Variants in PSMF1 observed in about 807,000 individuals in gnomAD.
The protein encoded by PSMF1 is proteasome inhibitor PI31 subunit.
Under a neutral mutation model 29.3 loss-of-function variants are expected in PSMF1, and 30 were observed. The observed-to-expected ratio is 1.02, with a 90% confidence interval of 0.77 to 1.39. The LOEUF is 1.39. Ranked by LOEUF, PSMF1 falls within the 40% of genes most tolerant of loss-of-function variation. The pLI is 0.00. For missense variants in PSMF1, 344 were observed against 357.5 expected (o/e 0.96, Z 0.31); for synonymous variants, 134 against 139.7 (o/e 0.96, Z 0.29).
intron 4 of PSMF1, among the ~76,000 whole-genome samples, chr20:1,155,098 G>A (rs190507931): frequency 7.2e-5 from 11 of 152,326 alleles, no homozygotes; most frequent in East Asian, 1.9e-4. Flanking sequence ...TTTAAGTACC[G>A]CTAAATGGTC....
At chr20:1,136,920 A>G (rs1330042263) in intron 4 of PSMF1, among the ~76,000 whole-genome samples, 1 of 152,246 alleles carries the variant, frequency 6.6e-6, no homozygotes, top group Non-Finnish European at 1.5e-5. Flanking sequence ...AAGTAGTAGA[A>G]AAAAATACTT....
At chr20:1,156,367 A>ATC in intron 4 of PSMF1, among the ~76,000 whole-genome samples, 1 of 152,220 alleles carries the variant, frequency 6.6e-6, no homozygotes, top group Non-Finnish European at 1.5e-5. Context: ...AATGGCTGAA[A>ATC]ACTTCTCAGA....
chr20:1,153,175 G>C (rs924348492), intron 4 of PSMF1, among the ~76,000 whole-genome samples: 1 of 152,066 alleles, frequency 6.6e-6, no homozygotes, highest in Non-Finnish European at 1.5e-5. Context: ...AAAGTGTAAG[G>C]CCAGTAAAGT....
At chr20:1,150,787 T>C (rs1246377926) in intron 4 of PSMF1, among the ~76,000 whole-genome samples, 1 of 152,190 alleles carries the variant, frequency 6.6e-6, no homozygotes, top group African/African-American at 2.4e-5. Context: ...AGCTTATCAG[T>C]GCTTTTCCCT....
chr20:1,124,779 C>T (rs912025438), intron 1 of PSMF1, among the ~76,000 whole-genome samples: 20 of 152,064 alleles, frequency 1.3e-4, no homozygotes, highest in African/African-American at 4.3e-4. Flanking sequence ...AGGCAAATGA[C>T]GGAAGTGATG....
rs2086773926 is a variant in PSMF1 at position 1,169,994 on chromosome 20, C to G, written c.*4914C>G. 6.6e-6 allele frequency among the ~76,000 whole-genome samples: 1 copy of G among 152,184 alleles called. No homozygotes were observed. Among genetic ancestry groups the G allele is most frequent in the African/African-American group, 2.4e-5 (1 of 41,436 alleles). On this transcript the variant is annotated 3_prime_UTR_variant, in exon 7 of 7. Coordinates refer to ENST00000335877, the MANE Select transcript of PSMF1 (RefSeq NM_006814.5). ...TCCTGAGATGCTTGCTCTAAGTACACATTAGTACATGCTGGGCCCCAATCT... is the reference window on the plus strand; with the variant it reads ...TCCTGAGATGCTTGCTCTAAGTACAGATTAGTACATGCTGGGCCCCAATCT...
In PSMF1 at chr20:1,133,572, T is replaced by TAA. The variant is rs1568469088; in HGVS notation, c.366-1549_366-1548insAA. On this transcript the variant is annotated intron_variant, in intron 3 of 6. Transcript: ENST00000335877. ...ATATATGTGTATATATATATATATT[T>TAA]TTTTTTTTTTTTTGGTGTAGTCTTT... Among the ~76,000 whole-genome samples, 154 of 122,314 alleles carry TAA rather than the reference T, an allele frequency of 1.3e-3. 4 individuals are homozygous for TAA. The highest frequency in any genetic ancestry group is 4.7e-3 in the African/African-American group (152 of 32,114). 80.2% of individuals were successfully genotyped at this position (122,314 alleles called of 152,430 possible). A position where few individuals can be genotyped will look rare whatever the true frequency, so the allele number is the denominator to read the frequency against.
Position 1,165,754 on chromosome 20 carries a change from G to A in PSMF1, c.*674G>A, listed in dbSNP as rs2086721863. On this transcript the variant is annotated 3_prime_UTR_variant, in exon 7 of 7. Transcript: ENST00000335877. ...GGAAAGACTGCATCATTCTGATGAG[G>A]CAAAATCCTCCAGCTATTCCTGTCT... 2.0e-6 allele frequency: 2 copies of A among 1,019,626 alleles called. No homozygotes were observed. Among genetic ancestry groups the A allele is most frequent in the Non-Finnish European group, 2.4e-6 (2 of 849,730 alleles). The allele number at this position is 1,019,626 out of a possible 1,614,324, so 63.2% of individuals were successfully genotyped here.
At chr20:1,119,370 T>C (rs2086054822) in intron 1 of PSMF1, among the ~76,000 whole-genome samples, 1 of 151,978 alleles carries the variant, frequency 6.6e-6, no homozygotes, top group Non-Finnish European at 1.5e-5. Context: ...GGTACAGGAG[T>C]GAGCTTTGAC....
rs1176274808 is a variant in PSMF1 at position 1,170,619 on chromosome 20, G to A, written c.*5539G>A. On this transcript the variant is annotated 3_prime_UTR_variant, in exon 7 of 7. Coordinates refer to ENST00000335877, the MANE Select transcript of PSMF1 (RefSeq NM_006814.5). ...AGGAGTCTCAGACTCAGTCAAGCGT[G>A]GTTACTCACAGCCCTCCCTTTCTCA... is the stretch of plus-strand genomic sequence containing the variant. Among the ~76,000 whole-genome samples the A allele has an allele frequency of 6.6e-6, 1 of 152,088 alleles. No individual in the cohort carries two copies. Among genetic ancestry groups the A allele is most frequent in the Admixed American group, 6.6e-5 (1 of 15,266 alleles).
intron 4 of PSMF1, among the ~76,000 whole-genome samples, chr20:1,159,520 G>A (rs774581378): frequency 7.2e-5 from 11 of 152,086 alleles, no homozygotes; most frequent in Admixed American, 2.6e-4. Context: ...CCCACATTTC[G>A]TGGGCCAGAG....
chr20:1,117,207 G>A (rs969531704), upstream of PSMF1, among the ~76,000 whole-genome samples: 4 of 152,186 alleles, frequency 2.6e-5, no homozygotes, highest in African/African-American at 4.8e-5. Flanking sequence ...AATCAGAGAG[G>A]TACAGGGCTG....
At position 1,119,360 on chromosome 20, in the gene PSMF1, G is replaced by A. The variant is rs529268966; in HGVS notation, c.129+458G>A. 6.6e-5 allele frequency among the ~76,000 whole-genome samples: 10 copies of A among 152,238 alleles called. No individual in the cohort carries two copies. In the East Asian group the frequency reaches 1.5e-3, roughly 24 times the overall value. Reference sequence around the variant, plus strand: ...CACCAAACATCTGGATCCAAGCACAGGTACAGGAGTGAGCTTTGACCTACT... The same window carrying A: ...CACCAAACATCTGGATCCAAGCACAAGTACAGGAGTGAGCTTTGACCTACT... On this transcript the variant is annotated intron_variant, in intron 1 of 6. Transcript: ENST00000335877.
intron 1 of PSMF1, among the ~76,000 whole-genome samples, chr20:1,120,117 T>A (rs931199497): frequency 6.7e-4 from 102 of 151,990 alleles, no homozygotes; most frequent in African/African-American, 2.4e-3. Context: ...CTCTTAGAAC[T>A]AAAGACCAAG....
chr20:1,133,680 C>T (rs1483941436), intron 3 of PSMF1, among the ~76,000 whole-genome samples: 1 of 149,178 alleles, frequency 6.7e-6, no homozygotes, highest in African/African-American at 2.5e-5. Flanking sequence ...CTAGAAGTGA[C>T]TGTAAAATTG....
At chr20:1,127,554 T>C in intron 3 of PSMF1, 46 bp downstream of exon 3, 1 of 1,453,524 alleles carries the variant, frequency 6.9e-7, no homozygotes, top group South Asian at 1.1e-5. Flanking sequence ...AAGAGAGAAC[T>C]AATGGCAAGA....
intron 2 of PSMF1, 152 bp downstream of exon 2, chr20:1,125,802 C>A (rs2086148267): frequency 9.2e-7 from 1 of 1,088,280 alleles, no homozygotes; most frequent in Non-Finnish European, 1.3e-6. Context: ...AGGTGAGAAC[C>A]CTAAGTATAG....
chr20:1,118,257 TTAAA>T (rs2086031404), upstream of PSMF1: 1 of 152,860 alleles, frequency 6.5e-6, no homozygotes, highest in Non-Finnish European at 1.5e-5. Context: ...GTTGTGAAGA[TTAAA>T]TAAATGAATA....
At position 1,147,422 on chromosome 20, in the gene PSMF1, T is replaced by G. The variant is rs1214733781; in HGVS notation, c.551+12116T>G. 3.3e-5 allele frequency among the ~76,000 whole-genome samples: 5 copies of G among 152,208 alleles called. No individual in the cohort carries two copies. In the East Asian group the frequency reaches 9.6e-4, roughly 29 times the overall value. ...CCCGAAGTGGGTCTAACTCAGCAGC[T>G]TATGCTTTTCCCACTGCACCTGTCA... On this transcript the variant is annotated intron_variant, in intron 4 of 6. Coordinates refer to ENST00000335877, the MANE Select transcript of PSMF1 (RefSeq NM_006814.5).
Sources: gnomAD v4.1 joint callset for allele counts (sites outside exome capture counted in the v4.1 genomes callset) on GRCh38, gnomAD v4.1.1 for gene constraint, MANE v1.5 for transcripts, NCBI Gene and HGNC (gene_info 2026-07-23, HGNC 2026-07-21) for gene names.